Variants in CSMD3 observed in about 807,000 individuals in gnomAD.
The protein encoded by CSMD3 is CUB and Sushi multiple domains 3.
In CSMD3, 177 loss-of-function variants were observed where a neutral mutation model predicts 435.2. The ratio of observed to expected loss-of-function variants is 0.41; its 90% confidence interval spans 0.36 to 0.46. CSMD3 has a LOEUF of 0.46. Among genes scored for constraint, CSMD3 ranks in the 20% least tolerant of loss-of-function variants. The probability of loss-of-function intolerance (pLI) is 0.34; values close to 1 mark genes in which losing one functional copy is unlikely to be tolerated. For synonymous variants in CSMD3, 1,656 were observed against 1,520.5 expected (o/e 1.09, Z -2.07); for missense variants, 4,265 against 4,504.6 (o/e 0.95, Z 1.52).
intron 14 of CSMD3, among the ~76,000 whole-genome samples, chr8:112,686,255 C>A (rs1051938038): frequency 6.6e-6 from 1 of 152,116 alleles, no homozygotes; most frequent in African/African-American, 2.4e-5. Flanking sequence ...TCTTTAACAG[C>A]CATTAGTGGC....
chr8:113,021,501 T>G (rs1504346), intron 5 of CSMD3, among the ~76,000 whole-genome samples: 1 of 152,062 alleles, frequency 6.6e-6, no homozygotes, highest in African/African-American at 2.4e-5. Flanking sequence ...CCAGATGTAA[T>G]GAGACTACAA....
chr8:112,629,072 A>T (rs1242988898), intron 22 of CSMD3, among the ~76,000 whole-genome samples: 1 of 152,222 alleles, frequency 6.6e-6, no homozygotes, highest in African/African-American at 2.4e-5. Flanking sequence ...TACAGTAATA[A>T]GGTAGATAAT....
At chr8:112,696,305 T>C (rs906615071) in intron 13 of CSMD3, among the ~76,000 whole-genome samples, 5 of 152,078 alleles carry the variant, frequency 3.3e-5, no homozygotes, top group African/African-American at 1.2e-4. Context: ...GGAGGCATCA[T>C]GCTACCTGAC....
At chr8:112,953,493 T>C (rs891642637) in intron 8 of CSMD3, among the ~76,000 whole-genome samples, 1 of 151,442 alleles carries the variant, frequency 6.6e-6, no homozygotes, top group Non-Finnish European at 1.5e-5. Context: ...CCTTTGAAAT[T>C]AGCTGTTTAG....
chr8:112,838,630 C>T (rs974524831), intron 11 of CSMD3, among the ~76,000 whole-genome samples: 7 of 151,628 alleles, frequency 4.6e-5, no homozygotes, highest in African/African-American at 1.5e-4. Context: ...TATGCCTTGG[C>T]AGGACTGTCT....
chr8:112,638,607 C>G, intron 21 of CSMD3, 89 bp downstream of exon 21: 2 of 797,056 alleles, frequency 2.5e-6, no homozygotes, highest in Non-Finnish European at 4.2e-6. Context: ...AGCTATTTTT[C>G]ACTGTTTTAT....
Position 112,458,254 on chromosome 8 carries a change from A to G in CSMD3, c.5395+14337T>C, listed in dbSNP as rs531167337. ...AGAAACAGAGATAGAGAAAATATCC[A>G]TATTGGCTTATTAAAGACACTTAGC... On this transcript the variant is annotated intron_variant, in intron 32 of 70. Coordinates refer to ENST00000297405, the MANE Select transcript of CSMD3 (RefSeq NM_198123.2). Among the ~76,000 whole-genome samples, 20 of 120,370 alleles carry G rather than the reference A, an allele frequency of 1.7e-4. No individual in the cohort carries two copies. In the South Asian group the frequency reaches 5.5e-3, roughly 33 times the overall value. 79.0% of individuals were successfully genotyped at this position (120,370 alleles called of 152,430 possible). A position where few individuals can be genotyped will look rare whatever the true frequency, so the allele number is the denominator to read the frequency against.
At chr8:112,379,661 T>TA (rs1338747680) in intron 38 of CSMD3, among the ~76,000 whole-genome samples, 1 of 151,838 alleles carries the variant, frequency 6.6e-6, no homozygotes, top group African/African-American at 2.4e-5. Context: ...TTTCCAAAAA[T>TA]AAAAAAAGTA....
chr8:112,988,778 G>A (rs575303952), intron 6 of CSMD3, among the ~76,000 whole-genome samples: 4 of 152,066 alleles, frequency 2.6e-5, no homozygotes, highest in African/African-American at 7.2e-5. Context: ...CAGAGACTCA[G>A]GCATCCATTA....
chr8:112,513,635 GA>G (rs893089355), intron 28 of CSMD3, among the ~76,000 whole-genome samples: 3 of 152,132 alleles, frequency 2.0e-5, no homozygotes, highest in East Asian at 1.9e-4. Flanking sequence ...GATGCCATTG[GA>G]AAAAAAGTCT....
chr8:112,855,221 T>C (rs1338586671), intron 11 of CSMD3, among the ~76,000 whole-genome samples: 5 of 152,142 alleles, frequency 3.3e-5, no homozygotes, highest in Non-Finnish European at 7.4e-5. Context: ...GCTAGACCAA[T>C]ATCCTTCAAA....
intron 3 of CSMD3, among the ~76,000 whole-genome samples, chr8:113,253,665 C>T (rs1424493254): frequency 1.3e-5 from 2 of 151,702 alleles, no homozygotes; most frequent in African/African-American, 2.4e-5. Flanking sequence ...CATAGTGAAA[C>T]CCCGTCTATA....
chr8:113,181,130 C>T (rs1294043087), intron 3 of CSMD3, among the ~76,000 whole-genome samples: 1 of 151,838 alleles, frequency 6.6e-6, no homozygotes, highest in Non-Finnish European at 1.5e-5. Flanking sequence ...ACTGTCTTAG[C>T]TGGGCTGCCT....
intron 13 of CSMD3, among the ~76,000 whole-genome samples, chr8:112,767,866 G>A (rs2078018055): frequency 6.6e-6 from 1 of 151,642 alleles, no homozygotes; most frequent in African/African-American, 2.4e-5. Context: ...TTAATTCCTT[G>A]AGTTCATTGA....
chr8:113,008,316 G>T (rs1282817752), intron 6 of CSMD3, among the ~76,000 whole-genome samples: 1 of 151,632 alleles, frequency 6.6e-6, no homozygotes, highest in African/African-American at 2.4e-5. Flanking sequence ...AAGCTGAGGA[G>T]CAATGGAGAA....
chr8:112,704,107 A>G (rs2076448324), intron 13 of CSMD3, among the ~76,000 whole-genome samples: 1 of 152,082 alleles, frequency 6.6e-6, no homozygotes, highest in South Asian at 2.1e-4. Flanking sequence ...TTTGAGATAC[A>G]GCAAATAGAG....
rs193137446 is a variant in CSMD3 at position 113,035,770 on chromosome 8, A to G, written c.918-16591T>C. On this transcript the variant is annotated intron_variant, in intron 5 of 70. Transcript: ENST00000297405. The stretch of plus-strand genomic sequence containing the variant: ...AAAAAGAAATTTATTCACTGAAATA[A>G]AAGGATCAGAGGTATTTGAAGTTTT... Among the ~76,000 whole-genome samples, 7 of 152,098 alleles carry G rather than the reference A, an allele frequency of 4.6e-5. 1 individual carries two copies. Among genetic ancestry groups the G allele is most frequent in the Admixed American group, 3.9e-4 (6 of 15,296 alleles).
chr8:112,802,316 T>A (rs2078979053), intron 12 of CSMD3, among the ~76,000 whole-genome samples: 1 of 151,982 alleles, frequency 6.6e-6, no homozygotes, highest in Non-Finnish European at 1.5e-5. Flanking sequence ...TGGAGCCACC[T>A]CTTTAAACTG....
chr8:112,270,569 C>T (rs970838567), intron 59 of CSMD3, among the ~76,000 whole-genome samples: 7 of 152,104 alleles, frequency 4.6e-5, no homozygotes, highest in African/African-American at 1.4e-4. Flanking sequence ...ACCGACTGAA[C>T]TCTGTCTTCT....
Sources: allele counts gnomAD v4.1 joint callset (sites outside exome capture counted in the v4.1 genomes callset), GRCh38; gene constraint gnomAD v4.1.1; transcripts MANE v1.5; gene names NCBI Gene and HGNC (gene_info 2026-07-23, HGNC 2026-07-21).